Variants in FER observed in about 807,000 individuals in gnomAD.
FER encodes the protein FER tyrosine kinase, also known as tyrosine-protein kinase Fer.
FER carries 63 observed loss-of-function variants against 111.0 expected under a neutral mutation model. The ratio of observed to expected loss-of-function variants is 0.57; its 90% confidence interval spans 0.46 to 0.70. The LOEUF is 0.70. Among genes scored for constraint, FER ranks in the 30% least tolerant of loss-of-function variants. The pLI, the probability that FER is intolerant of heterozygous loss-of-function variation, is 0.00. For synonymous variants in FER, 327 were observed against 313.9 expected (o/e 1.04, Z -0.44); for missense variants, 914 against 954.0 (o/e 0.96, Z 0.55).
chr5:108,995,059 G>A (rs2149761057), intron 13 of FER, among the ~76,000 whole-genome samples: 2 of 152,242 alleles, frequency 1.3e-5, no homozygotes, highest in Middle Eastern at 3.4e-3. Flanking sequence ...TCTGCAAACA[G>A]AGGTAGTTTG....
At chr5:109,021,884 A>G (rs1485006738) in intron 13 of FER, among the ~76,000 whole-genome samples, 1 of 152,148 alleles carries the variant, frequency 6.6e-6, no homozygotes, top group Non-Finnish European at 1.5e-5. Flanking sequence ...CATGTTAAGC[A>G]TTGCAAGACA....
rs140150780 is a variant in FER at position 109,141,275 on chromosome 5, T to G, written c.2049-39472T>G. On this transcript the variant is annotated intron_variant, in intron 17 of 19. Coordinates refer to ENST00000281092, the MANE Select transcript of FER (RefSeq NM_005246.4). Reference sequence around the variant, plus strand: ...TAACAATATTTTATTTTATCATGAATATCTGAAATATTAGGAATAAGAAAA... The same window carrying G: ...TAACAATATTTTATTTTATCATGAAGATCTGAAATATTAGGAATAAGAAAA... Among the ~76,000 whole-genome samples the G allele has an allele frequency of 1.8e-3, 278 of 152,360 alleles. 1 individual carries two copies. Among genetic ancestry groups the G allele is most frequent in the African/African-American group, 6.3e-3 (260 of 41,592 alleles).
intron 13 of FER, among the ~76,000 whole-genome samples, chr5:108,990,100 CAT>C (rs2149743769): frequency 6.6e-6 from 1 of 151,870 alleles, no homozygotes; most frequent in African/African-American, 2.4e-5. Context: ...CTGTCACAGT[CAT>C]ATAAAAGTAA....
chr5:108,917,988 C>T (rs1247716839), intron 10 of FER, among the ~76,000 whole-genome samples: 1 of 152,076 alleles, frequency 6.6e-6, no homozygotes, highest in Non-Finnish European at 1.5e-5. Context: ...TAGCTAATGA[C>T]AACAACATTC....
At chr5:109,103,655 A>G (rs756224778) in intron 17 of FER, among the ~76,000 whole-genome samples, 4 of 152,188 alleles carry the variant, frequency 2.6e-5, no homozygotes, top group Non-Finnish European at 4.4e-5. Flanking sequence ...ACTATTCTGT[A>G]GGCCAGTGTG....
At chr5:109,011,214 TA>T (rs1306951209) in intron 13 of FER, among the ~76,000 whole-genome samples, 1 of 152,038 alleles carries the variant, frequency 6.6e-6, no homozygotes, top group African/African-American at 2.4e-5. Flanking sequence ...TTCTAAGACT[TA>T]AAAAGTGGGA....
chr5:109,135,657 A>G (rs1411768563), intron 17 of FER, among the ~76,000 whole-genome samples: 1 of 152,098 alleles, frequency 6.6e-6, no homozygotes, highest in Non-Finnish European at 1.5e-5. Context: ...CTCTCTAAAA[A>G]CAAGGACCAC....
At position 108,911,164 on chromosome 5, in the gene FER, T is replaced by C. The variant is rs186811136; in HGVS notation, c.1236+13316T>C. 9.8e-5 allele frequency among the ~76,000 whole-genome samples: 15 copies of C among 152,344 alleles called. No individual in the cohort carries two copies. The East Asian group carries it at 2.9e-3, about 29-fold the overall frequency. On this transcript the variant is annotated intron_variant, in intron 10 of 19. Coordinates refer to ENST00000281092, the MANE Select transcript of FER (RefSeq NM_005246.4). The stretch of plus-strand genomic sequence containing the variant: ...TTTGACTTTTTCAACATAGCCATTC[T>C]GACTGACGTAAAATGATATCTCATT...
At chr5:108,801,462 C>T (rs10077177) in intron 3 of FER, among the ~76,000 whole-genome samples, 29,384 of 152,128 alleles carry the variant, frequency 0.19, 3,083 homozygotes, top group African/African-American at 0.27. Context: ...GAGATATGTT[C>T]TAATATCCCC....
At chr5:108,859,931 A>T in intron 5 of FER, among the ~76,000 whole-genome samples, 1 of 147,554 alleles carries the variant, frequency 6.8e-6, no homozygotes, top group East Asian at 2.0e-4. Context: ...TATTATTATT[A>T]TTATTATTAT....
intron 16 of FER, chr5:109,051,197 A>G (rs376089734): frequency 4.8e-5 from 35 of 721,896 alleles, no homozygotes; most frequent in African/African-American, 3.7e-4. Context: ...AGCCTCATGA[A>G]TAAGACTGTT....
intron 8 of FER, among the ~76,000 whole-genome samples, chr5:108,872,484 T>TTA (rs1764693463): frequency 1.3e-5 from 2 of 152,194 alleles, no homozygotes; most frequent in African/African-American, 2.4e-5. Flanking sequence ...TTTTCAAAAT[T>TTA]TATATATATA....
intron 13 of FER, among the ~76,000 whole-genome samples, chr5:108,965,276 T>A (rs550633426): frequency 6.6e-6 from 1 of 152,318 alleles, no homozygotes; most frequent in Non-Finnish European, 1.5e-5. Context: ...AGCCACATCT[T>A]CTTAGGCAAG....
At chr5:108,821,466 A>G (rs1364726351) in intron 3 of FER, among the ~76,000 whole-genome samples, 1 of 152,180 alleles carries the variant, frequency 6.6e-6, no homozygotes, top group Non-Finnish European at 1.5e-5. Flanking sequence ...ACAGTTTTTG[A>G]AAATTATTAT....
chr5:108,880,423 C>G (rs2150277258), intron 8 of FER, among the ~76,000 whole-genome samples: 1 of 152,150 alleles, frequency 6.6e-6, no homozygotes, highest in Non-Finnish European at 1.5e-5. Flanking sequence ...AGGTAGGGCT[C>G]TGTGTTCTAA....
chr5:108,831,941 A>G (rs1760084946), intron 3 of FER, among the ~76,000 whole-genome samples: 2 of 152,136 alleles, frequency 1.3e-5, no homozygotes, highest in South Asian at 4.1e-4. Flanking sequence ...AGAATATTGA[A>G]TACTATAGCG....
At chr5:108,948,796 C>G (rs1241515183) in intron 11 of FER, among the ~76,000 whole-genome samples, 1 of 152,044 alleles carries the variant, frequency 6.6e-6, no homozygotes, top group Non-Finnish European at 1.5e-5. Context: ...CTCATGAATA[C>G]TAGTTGTATC....
chr5:108,872,143 A>G lies in FER; in HGVS notation c.854A>G (p.Glu285Gly). Residue 285 changes from glutamate to glycine, a missense_variant, in exon 8 of 20, where the codon GAA becomes GGA. This residue lies in a region of FER where 774 missense variants were observed against 782.6 expected (regional missense o/e 0.99). Transcript: ENST00000281092. ...ATAGAGTTTGATACTTCCTTACTGG[A>G]AGAAAATGAAAATCTTCAGGCAAAT... ...QEIEFDTSLLEENENLQANEI... is the reference protein window; with the variant it reads ...QEIEFDTSLLGENENLQANEI... 6.2e-7 allele frequency: 1 copy of G among 1,611,786 alleles called. No individual in the cohort carries two copies. Among genetic ancestry groups the G allele is most frequent in the Non-Finnish European group, 8.5e-7 (1 of 1,178,850 alleles).
intron 17 of FER, among the ~76,000 whole-genome samples, chr5:109,102,192 G>C (rs1009149739): frequency 6.6e-6 from 1 of 152,020 alleles, no homozygotes; most frequent in Non-Finnish European, 1.5e-5. Context: ...AATATTATCT[G>C]CTGTAATGTT....
Sources: gnomAD v4.1 joint callset for allele counts (sites outside exome capture counted in the v4.1 genomes callset) on GRCh38, gnomAD v4.1.1 for gene constraint, gnomAD v4.1.1 regional missense constraint, MANE v1.5 for transcripts, NCBI Gene and HGNC (gene_info 2026-07-23, HGNC 2026-07-21) for gene names.